SNTG1: variants seen among roughly 807,000 people sequenced by gnomAD.
The protein encoded by SNTG1 is syntrophin gamma 1.
Under a neutral mutation model 74.7 loss-of-function variants are expected in SNTG1, and 39 were observed. The ratio of observed to expected loss-of-function variants is 0.52; its 90% CI spans 0.40 to 0.68. The LOEUF is 0.68. Ranked by LOEUF, SNTG1 falls within the 30% of genes least tolerant of loss-of-function variation. The pLI, the probability that SNTG1 is intolerant of heterozygous loss-of-function variation, is 0.00. For synonymous variants in SNTG1, 254 were observed against 217.1 expected (o/e 1.17, Z -1.49); for missense variants, 685 against 609.5 (o/e 1.12, Z -1.30).
intron 2 of SNTG1, among the ~76,000 whole-genome samples, chr8:50,343,033 C>T (rs991166286): frequency 6.6e-6 from 1 of 152,144 alleles, no homozygotes; most frequent in African/African-American, 2.4e-5. Context: ...AAATTGGGAT[C>T]AAAACCAGAA....
chr8:49,929,489 T>C (rs77212411), intron 1 of SNTG1, among the ~76,000 whole-genome samples: 4,918 of 152,254 alleles, frequency 0.032, 117 homozygotes, highest in Non-Finnish European at 0.054. Context: ...GGCTGTGAAA[T>C]GGAGGTCTTT....
intron 1 of SNTG1, among the ~76,000 whole-genome samples, chr8:50,054,111 A>T (rs942437551): frequency 3.3e-5 from 5 of 152,076 alleles, no homozygotes; most frequent in African/African-American, 1.2e-4. Context: ...TATCACCCTT[A>T]TGTGAATATT....
Position 50,778,217 on chromosome 8 carries a change from C to T in SNTG1, c.1396-14454C>T, listed in dbSNP as rs1417486480. ...ATTTATAGTCCTTTGGGTATATACC[C>T]AGTAACAGGATGGCTGGGTCAAATG... On this transcript the variant is annotated intron_variant, in intron 18 of 18. Transcript: ENST00000642720. Among the ~76,000 whole-genome samples, 10 of 152,262 alleles carry T rather than the reference C, an allele frequency of 6.6e-5. No individual in the cohort carries two copies. In the East Asian group the frequency reaches 1.9e-3, roughly 29 times the overall value.
intron 12 of SNTG1, among the ~76,000 whole-genome samples, chr8:50,582,394 T>C (rs2094616057): frequency 6.6e-6 from 1 of 152,006 alleles, no homozygotes; most frequent in Admixed American, 6.6e-5. Flanking sequence ...GGGGAGCAAA[T>C]AAATTACAAA....
chr8:50,087,915 A>G (rs1036081514), intron 1 of SNTG1, among the ~76,000 whole-genome samples: 16 of 138,936 alleles, frequency 1.2e-4, no homozygotes, highest in East Asian at 2.3e-4. Flanking sequence ...ATATCTCCCA[A>G]TGTTATCCCT....
chr8:50,725,509 C>A (rs1013022508), intron 17 of SNTG1, among the ~76,000 whole-genome samples: 11 of 152,076 alleles, frequency 7.2e-5, no homozygotes, highest in Admixed American at 7.2e-4. Context: ...AACAACAAAA[C>A]GTCTTTTACA....
intron 12 of SNTG1, among the ~76,000 whole-genome samples, chr8:50,588,906 C>G (rs541901801): frequency 6.6e-6 from 1 of 152,192 alleles, no homozygotes; most frequent in South Asian, 2.1e-4. Flanking sequence ...AGGCCATTTT[C>G]ATATTTTGCA....
chr8:50,146,698 A>T (rs1586471824), intron 1 of SNTG1, among the ~76,000 whole-genome samples: 1 of 152,306 alleles, frequency 6.6e-6, no homozygotes, highest in South Asian at 2.1e-4. Context: ...GCCGATCCTC[A>T]CCAGCCATTG....
chr8:50,575,310 A>G (rs2094570716), intron 12 of SNTG1, among the ~76,000 whole-genome samples: 1 of 152,210 alleles, frequency 6.6e-6, no homozygotes, highest in Non-Finnish European at 1.5e-5. Flanking sequence ...TTTTCTACTG[A>G]AATGACCTTC....
intron 11 of SNTG1, among the ~76,000 whole-genome samples, chr8:50,551,120 G>A (rs1024102589): frequency 2.0e-5 from 3 of 152,056 alleles, no homozygotes; most frequent in African/African-American, 4.8e-5. Flanking sequence ...GCCCAACTAA[G>A]TGAGCTAATT....
intron 4 of SNTG1, among the ~76,000 whole-genome samples, chr8:50,415,782 T>G (rs1428688648): frequency 6.6e-6 from 1 of 152,150 alleles, no homozygotes; most frequent in Non-Finnish European, 1.5e-5. Context: ...AAATTAATAA[T>G]AAATTTATAA....
chr8:50,259,851 A>G (rs994043047), intron 2 of SNTG1, among the ~76,000 whole-genome samples: 8 of 152,144 alleles, frequency 5.3e-5, no homozygotes, highest in African/African-American at 1.9e-4. Context: ...TTTTTTTGGA[A>G]TATAAACCTA....
In SNTG1 at chr8:50,115,019, C is replaced by T. The variant is rs377323360; in HGVS notation, c.-102-57542C>T. Among the ~76,000 whole-genome samples the T allele has an allele frequency of 7.2e-5, 11 of 151,772 alleles. No homozygotes were observed. The East Asian group carries it at 1.6e-3, about 21-fold the overall frequency. On this transcript the variant is annotated intron_variant, in intron 1 of 18. Coordinates refer to ENST00000642720, the MANE Select transcript of SNTG1 (RefSeq NM_018967.5). ...TTGAATATATATGACATGTACTTGT[C>T]AATTAAATATGTTAAAATTCAAGAA...
At chr8:50,661,028 C>A (rs1249327020) in intron 15 of SNTG1, among the ~76,000 whole-genome samples, 1 of 152,016 alleles carries the variant, frequency 6.6e-6, no homozygotes, top group Non-Finnish European at 1.5e-5. Flanking sequence ...TTTTTTCCCC[C>A]ACTTGTTATT....
intron 1 of SNTG1, among the ~76,000 whole-genome samples, chr8:49,990,158 TCA>T (rs1389906681): frequency 1.3e-5 from 2 of 151,936 alleles, no homozygotes; most frequent in African/African-American, 4.8e-5. Context: ...TATTTAGAAA[TCA>T]TATGATCTTG....
chr8:50,159,541 A>G (rs1563675675), intron 1 of SNTG1, among the ~76,000 whole-genome samples: 1 of 152,198 alleles, frequency 6.6e-6, no homozygotes, highest in Non-Finnish European at 1.5e-5. Flanking sequence ...TATAATCTCA[A>G]TGAGATTTTG....
chr8:50,779,914 G>T (rs534843618), intron 18 of SNTG1, among the ~76,000 whole-genome samples: 1 of 65,420 alleles, frequency 1.5e-5, no homozygotes, highest in Admixed American at 1.4e-4. Flanking sequence ...TAGCATGAAG[G>T]GTTGTTGAAT....
chr8:50,375,238 A>G (rs993075481), intron 2 of SNTG1, among the ~76,000 whole-genome samples: 2 of 152,138 alleles, frequency 1.3e-5, no homozygotes, highest in Non-Finnish European at 2.9e-5. Context: ...CCTTGAATCT[A>G]TACTCTAATG....
intron 2 of SNTG1, among the ~76,000 whole-genome samples, chr8:50,254,864 A>G (rs77714141): frequency 0.56 from 83,221 of 147,354 alleles, 27,394 homozygotes; most frequent in East Asian, 0.83. Flanking sequence ...AAAAAAAAAA[A>G]AAAGAAAGAA....
Sources: gnomAD v4.1 joint callset for allele counts (sites outside exome capture counted in the v4.1 genomes callset) on GRCh38, gnomAD v4.1.1 for gene constraint, MANE v1.5 for transcripts, NCBI Gene and HGNC (gene_info 2026-07-23, HGNC 2026-07-21) for gene names.